MAP3K20: variants seen among roughly 807,000 people sequenced by gnomAD.
MAP3K20 encodes the protein HCCS-4.
MAP3K20 carries 40 observed loss-of-function variants against 85.7 expected under a neutral mutation model. The ratio of observed to expected loss-of-function variants is 0.47; its 90% CI spans 0.36 to 0.61. The LOEUF is 0.61. MAP3K20 is among the 20% of genes least tolerant of loss of function. The pLI is 0.00. For synonymous variants in MAP3K20, 325 were observed against 327.7 expected (o/e 0.99, Z 0.09); for missense variants, 817 against 961.7 (o/e 0.85, Z 1.99).
chr2:173,126,145 T>C (rs772610183), intron 2 of MAP3K20, among the ~76,000 whole-genome samples: 1 of 152,188 alleles, frequency 6.6e-6, no homozygotes, highest in Non-Finnish European at 1.5e-5. Context: ...GCATTGTCTC[T>C]AAATATATAT....
chr2:173,076,322 G>A (rs1298682631), intron 1 of MAP3K20, among the ~76,000 whole-genome samples: 1 of 152,132 alleles, frequency 6.6e-6, no homozygotes, highest in Non-Finnish European at 1.5e-5. Flanking sequence ...AGGCGCGGGC[G>A]CAGGCCGGAG....
intron 2 of MAP3K20, among the ~76,000 whole-genome samples, chr2:173,134,749 A>G (rs1688751669): frequency 6.6e-6 from 1 of 152,064 alleles, no homozygotes; most frequent in Non-Finnish European, 1.5e-5. Flanking sequence ...TTTAGGCTAC[A>G]GAGCCCTTTC....
intron 5 of MAP3K20, 113 bp from the exon 6 acceptor site, chr2:173,190,782 C>T (rs1690623322): frequency 9.8e-7 from 1 of 1,018,956 alleles, no homozygotes; most frequent in Admixed American, 2.7e-5. Context: ...ATTGATTTCA[C>T]CTTTCATAAT....
At chr2:173,262,022 A>G (rs1685306737) in intron 18 of MAP3K20, among the ~76,000 whole-genome samples, 1 of 102,976 alleles carries the variant, frequency 9.7e-6, no homozygotes, top group Non-Finnish European at 2.2e-5. Flanking sequence ...TGTCTCCAGA[A>G]AAAAAAAAAA....
intron 11 of MAP3K20, chr2:173,226,528 C>T: frequency 1.0e-6 from 1 of 985,806 alleles, no homozygotes; most frequent in Non-Finnish European, 1.2e-6. Flanking sequence ...TGTAGCATAG[C>T]CTGACAGCTC....
intron 2 of MAP3K20, among the ~76,000 whole-genome samples, chr2:173,141,161 T>A (rs1273653216): frequency 1.3e-5 from 2 of 151,898 alleles, no homozygotes; most frequent in African/African-American, 4.8e-5. Flanking sequence ...ATAACTTTTT[T>A]ATTTTGTATT....
intron 3 of MAP3K20, among the ~76,000 whole-genome samples, chr2:173,173,174 G>C (rs1690052677): frequency 7.6e-6 from 1 of 130,786 alleles, no homozygotes; most frequent in African/African-American, 2.5e-5. Flanking sequence ...GTGTGTGTGT[G>C]TGTGTGTGTG....
chr2:173,224,845 A>G, intron 11 of MAP3K20: 1 of 985,130 alleles, frequency 1.0e-6, no homozygotes, highest in Non-Finnish European at 1.2e-6. Context: ...AGGAATATTT[A>G]TTAGCCATAT....
intron 16 of MAP3K20, among the ~76,000 whole-genome samples, chr2:173,243,069 C>G (rs1684829003): frequency 6.6e-6 from 1 of 152,060 alleles, no homozygotes; most frequent in South Asian, 2.1e-4. Context: ...GTGCCTGGCT[C>G]TAAGGTAGAT....
intron 2 of MAP3K20, among the ~76,000 whole-genome samples, chr2:173,099,335 G>T (rs1352913784): frequency 1.3e-3 from 174 of 131,166 alleles, no homozygotes; most frequent in Middle Eastern, 3.9e-3. Context: ...GTTTTGTTTT[G>T]TTTTTTTTTT....
intron 16 of MAP3K20, among the ~76,000 whole-genome samples, chr2:173,248,173 A>G (rs1414131323): frequency 6.6e-6 from 1 of 152,206 alleles, no homozygotes. Flanking sequence ...TTTTGTGTGC[A>G]TGCGGGTGAC....
At chr2:173,227,052 C>T (rs903331716) in intron 11 of MAP3K20, 5 of 985,798 alleles carry the variant, frequency 5.1e-6, no homozygotes, top group Non-Finnish European at 6.0e-6. Context: ...ATTCAGAAAT[C>T]CAAGTTGGTG....
chr2:173,164,109 G>T (rs552284086), intron 2 of MAP3K20, among the ~76,000 whole-genome samples: 10 of 152,156 alleles, frequency 6.6e-5, no homozygotes, highest in African/African-American at 2.4e-4. Flanking sequence ...ACAGGTGTGT[G>T]CCACCATGCC....
chr2:173,187,738 C>A, intron 5 of MAP3K20, 115 bp downstream of exon 5: 2 of 818,446 alleles, frequency 2.4e-6, no homozygotes, highest in Non-Finnish European at 3.7e-6. Context: ...GGACTCACTG[C>A]TGATACCATG....
chr2:173,163,098 A>C (rs2106242116), intron 2 of MAP3K20, among the ~76,000 whole-genome samples: 1 of 152,368 alleles, frequency 6.6e-6, no homozygotes, highest in East Asian at 1.9e-4. Flanking sequence ...TATAGAGTAC[A>C]TAAATGGAAT....
At chr2:173,122,869 A>G (rs1688334568) in intron 2 of MAP3K20, among the ~76,000 whole-genome samples, 1 of 152,140 alleles carries the variant, frequency 6.6e-6, no homozygotes, top group Non-Finnish European at 1.5e-5. Flanking sequence ...CTCTTCCTGT[A>G]TCCCACCATC....
chr2:173,127,063 A>G (rs542308638), intron 2 of MAP3K20, among the ~76,000 whole-genome samples: 16 of 152,336 alleles, frequency 1.1e-4, no homozygotes, highest in African/African-American at 3.6e-4. Flanking sequence ...CATTATGACC[A>G]TTCAATAACA....
At chr2:173,221,323 C>G (rs1259713776) in intron 11 of MAP3K20, 1 of 1,613,814 alleles carries the variant, frequency 6.2e-7, no homozygotes. Context: ...GGGATATCTT[C>G]TCAATGAACA....
At chr2:173,192,902 A>T (rs1417342785) in intron 7 of MAP3K20, 1 of 152,196 alleles carries the variant, frequency 6.6e-6, no homozygotes, top group Non-Finnish European at 1.5e-5. Context: ...TCTAGAAAGG[A>T]CCAGATAATA....
Sources: allele counts gnomAD v4.1 joint callset (sites outside exome capture counted in the v4.1 genomes callset), GRCh38; gene constraint gnomAD v4.1.1; transcripts MANE v1.5; gene names NCBI Gene and HGNC (gene_info 2026-07-23, HGNC 2026-07-21).